The following DEUP1 variants were observed in gnomAD, a reference collection of about 807,000 sequenced individuals.
The protein encoded by DEUP1 is coiled-coil domain containing 67.
Under a neutral mutation model 87.4 loss-of-function variants are expected in DEUP1, and 82 were observed. The observed-to-expected ratio is 0.94, with a 90% CI of 0.78 to 1.13. DEUP1 has a LOEUF of 1.13. DEUP1 is among the 50% of genes most tolerant of loss of function. DEUP1 has a pLI of 0.00. For missense variants in DEUP1, 663 were observed against 681.5 expected, an observed-to-expected ratio of 0.97 and a Z score of 0.30; for synonymous variants, 214 against 222.7, an observed-to-expected ratio of 0.96 and a Z score of 0.35.
At chr11:93,418,159 A>G (rs371458500) in intron 13 of DEUP1, among the ~76,000 whole-genome samples, 2 of 152,234 alleles carry the variant, frequency 1.3e-5, no homozygotes, top group African/African-American at 4.8e-5. Flanking sequence ...AGCAATGGCA[A>G]CAAAAGCCAA....
intron 11 of DEUP1, among the ~76,000 whole-genome samples, chr11:93,404,578 T>C (rs1039214568): frequency 2.0e-5 from 3 of 152,108 alleles, no homozygotes; most frequent in African/African-American, 4.8e-5. Context: ...AATGCTTTTT[T>C]AGCATAATTG....
At chr11:93,407,674 T>G (rs1003344904) in intron 11 of DEUP1, among the ~76,000 whole-genome samples, 9 of 152,040 alleles carry the variant, frequency 5.9e-5, no homozygotes, top group African/African-American at 2.2e-4. Context: ...ATATATGATT[T>G]TATGTGCCCA....
chr11:93,350,388 C>T (rs1944566941), intron 2 of DEUP1, among the ~76,000 whole-genome samples: 2 of 151,888 alleles, frequency 1.3e-5, no homozygotes, highest in Admixed American at 1.3e-4. Context: ...CAGATTAGGA[C>T]CAATGGATGG....
At chr11:93,354,766 G>C (rs931786465) in intron 2 of DEUP1, among the ~76,000 whole-genome samples, 22 of 152,200 alleles carry the variant, frequency 1.4e-4, no homozygotes, top group African/African-American at 4.8e-4. Context: ...CCATGATCCA[G>C]TTACCTCCCC....
In DEUP1 at chr11:93,351,615, T is replaced by C. The variant is rs553790355; in HGVS notation, c.30-3756T>C. Among the ~76,000 whole-genome samples the C allele has an allele frequency of 3.3e-5, 5 of 152,296 alleles. No homozygotes were observed. The East Asian group carries it at 9.6e-4, about 29-fold the overall frequency. On this transcript the variant is annotated intron_variant, in intron 2 of 13. Transcript: ENST00000298050. ...CTATTCTTTCCCCCTACAATTCCAA[T>C]TAAATTTCAATCTTAAAATTCAATC... is the stretch of plus-strand genomic sequence containing the variant.
intron 2 of DEUP1, among the ~76,000 whole-genome samples, chr11:93,334,345 C>T (rs1463314164): frequency 6.6e-6 from 1 of 152,170 alleles, no homozygotes; most frequent in Admixed American, 6.5e-5. Flanking sequence ...TTAACAGATA[C>T]CTATTTAGAG....
At chr11:93,334,630 G>T (rs748392951) in intron 2 of DEUP1, among the ~76,000 whole-genome samples, 65 of 152,142 alleles carry the variant, frequency 4.3e-4, no homozygotes, top group Non-Finnish European at 1.6e-4. Flanking sequence ...AGCAGAAAGT[G>T]CCAAGGCCTA....
At chr11:93,383,323 T>C (rs181355773) in intron 7 of DEUP1, 1 of 310,538 alleles carries the variant, frequency 3.2e-6, no homozygotes, top group Admixed American at 4.9e-5. Context: ...ACAACATGGA[T>C]GAACCTTGAA....
intron 13 of DEUP1, among the ~76,000 whole-genome samples, chr11:93,427,483 AT>A (rs1477008470): frequency 2.6e-5 from 4 of 152,164 alleles, no homozygotes; most frequent in Non-Finnish European, 5.9e-5. Flanking sequence ...TTCAAGATGG[AT>A]TAAAGAGTTA....
intron 2 of DEUP1, among the ~76,000 whole-genome samples, chr11:93,335,546 A>AT (rs1249778701): frequency 6.6e-6 from 1 of 152,114 alleles, no homozygotes; most frequent in African/African-American, 2.4e-5. Flanking sequence ...ATTACTAACA[A>AT]TTTTTGGTTT....
chr11:93,346,737 T>C (rs1171462765), intron 2 of DEUP1, among the ~76,000 whole-genome samples: 3 of 152,178 alleles, frequency 2.0e-5, no homozygotes, highest in Non-Finnish European at 4.4e-5. Flanking sequence ...GTTTTGTAAT[T>C]CTCATTGTAG....
At chr11:93,346,213 T>C (rs774216348) in intron 2 of DEUP1, among the ~76,000 whole-genome samples, 27 of 152,200 alleles carry the variant, frequency 1.8e-4, no homozygotes, top group Non-Finnish European at 2.6e-4. Context: ...CATTGGTCTA[T>C]GTGTCTGTTC....
At chr11:93,372,491 G>A (rs1302941310) in intron 7 of DEUP1, among the ~76,000 whole-genome samples, 3 of 152,000 alleles carry the variant, frequency 2.0e-5, no homozygotes, top group Admixed American at 2.0e-4. Flanking sequence ...TCATTTCTTA[G>A]TCCTCAGCCA....
intron 5 of DEUP1, among the ~76,000 whole-genome samples, chr11:93,368,675 G>T (rs1341935715): frequency 6.6e-6 from 1 of 152,186 alleles, no homozygotes; most frequent in African/African-American, 2.4e-5. Flanking sequence ...AGTGGCTCAC[G>T]CCTGTAATCC....
Position 93,405,150 on chromosome 11 carries a change from TTGAC to T in DEUP1, c.1327-3078_1327-3075del, listed in dbSNP as rs560106921. 8.0e-3 allele frequency among the ~76,000 whole-genome samples: 1,214 copies of T among 152,062 alleles called. 14 individuals carry two copies. Among genetic ancestry groups the T allele is most frequent in the African/African-American group, 0.028 (1,167 of 41,538 alleles). ...AGCCGACCATCAAGAATTCTGTACT[TTGAC>T]TGGTAGATATCTTATTAAGAGTCAA... On this transcript the variant is annotated intron_variant, in intron 11 of 13. Coordinates refer to ENST00000298050, the MANE Select transcript of DEUP1 (RefSeq NM_181645.4).
intron 2 of DEUP1, among the ~76,000 whole-genome samples, chr11:93,353,929 C>T (rs1944759976): frequency 6.6e-6 from 1 of 152,208 alleles, no homozygotes; most frequent in African/African-American, 2.4e-5. Context: ...GGGACATTTT[C>T]CCCATGGTCT....
At chr11:93,331,511 T>A (rs1479326901) in intron 1 of DEUP1, among the ~76,000 whole-genome samples, 1 of 152,126 alleles carries the variant, frequency 6.6e-6, no homozygotes, top group African/African-American at 2.4e-5. Flanking sequence ...ATAGTTATAG[T>A]CATCCTAACA....
chr11:93,362,984 C>A (rs1945245185), intron 4 of DEUP1, among the ~76,000 whole-genome samples: 2 of 151,546 alleles, frequency 1.3e-5, no homozygotes, highest in African/African-American at 4.8e-5. Context: ...TTACAGTAGA[C>A]AAAAACTGGA....
At chr11:93,352,179 G>A in intron 2 of DEUP1, 1 of 523,772 alleles carries the variant, frequency 1.9e-6, no homozygotes, top group Non-Finnish European at 3.4e-6. Flanking sequence ...CTGTCATGTG[G>A]CACCTGCCTC....
Sources: allele counts gnomAD v4.1 joint callset (sites outside exome capture counted in the v4.1 genomes callset), GRCh38; gene constraint gnomAD v4.1.1; transcripts MANE v1.5; gene names NCBI Gene and HGNC (gene_info 2026-07-23, HGNC 2026-07-21).